ABCC6: variants seen among roughly 807,000 people sequenced by gnomAD.
ABCC6 encodes ATP-binding cassette sub-family C member 6.
In ABCC6, 126 loss-of-function variants were observed where a neutral mutation model predicts 169.5. That is an observed-to-expected ratio of 0.74 (90% CI 0.64 to 0.86). The LOEUF (loss-of-function observed/expected upper bound fraction) is 0.86, where lower values mean the gene tolerates loss of function less well. Ranked by LOEUF, ABCC6 falls within the 40% of genes least tolerant of loss-of-function variation. ABCC6 has a pLI of 0.00. For missense variants in ABCC6, 1,733 were observed against 1,927.2 expected, an observed-to-expected ratio of 0.90 and a Z score of 1.89; for synonymous variants, 752 against 814.7, an observed-to-expected ratio of 0.92 and a Z score of 1.31.
At position 16,198,342 on chromosome 16, in the gene ABCC6, A is replaced by G. The variant is rs546136760; in HGVS notation, c.1177-160T>C. On this transcript the variant is annotated intron_variant, in intron 9 of 30. Coordinates refer to ENST00000205557, the MANE Select transcript of ABCC6 (RefSeq NM_001171.6). ...CTCAGGGCTCTTTGAGGATCCACAG[A>G]GATGACAAAAATGAAAATCCTCCAA... 3.3e-5 allele frequency among the ~76,000 whole-genome samples: 5 copies of G among 152,366 alleles called. No homozygotes were observed. In the South Asian group the frequency reaches 8.3e-4, roughly 25 times the overall value.
intron 9 of ABCC6, 34 bp from the exon 10 acceptor site, chr16:16,198,216 G>C: frequency 6.4e-7 from 1 of 1,558,478 alleles, no homozygotes; most frequent in South Asian, 1.2e-5. Context: ...AAGTAAAGTG[G>C]GGAGGCCGGG....
chr16:16,192,927 G>C lies in ABCC6; in HGVS notation c.1339-5C>G. 1.2e-6 allele frequency: 2 copies of C among 1,613,202 alleles called. No homozygotes were observed. Among genetic ancestry groups the C allele is most frequent in the South Asian group, 1.1e-5 (1 of 91,026 alleles). The stretch of plus-strand genomic sequence containing the variant: ...GAGGGCGGAGGGCCCCAGGAGCTGG[G>C]GATAGAAGGGGCAGGATGTCAGGAG... On this transcript the variant is annotated splice_region_variant and splice_polypyrimidine_tract_variant and intron_variant, in intron 10 of 30. Coordinates refer to ENST00000205557, the MANE Select transcript of ABCC6 (RefSeq NM_001171.6).
At chr16:16,220,609 C>T (rs965115255) in intron 2 of ABCC6, among the ~76,000 whole-genome samples, 2 of 152,018 alleles carry the variant, frequency 1.3e-5, no homozygotes, top group Admixed American at 6.6e-5. Context: ...TATTGAAACG[C>T]AGTCGGCCGG....
chr16:16,168,730 C>G (rs1038483239), intron 22 of ABCC6, among the ~76,000 whole-genome samples: 5 of 152,130 alleles, frequency 3.3e-5, no homozygotes, highest in Non-Finnish European at 7.3e-5. Context: ...GGGGATACGA[C>G]TGCACAGAGG....
At chr16:16,177,150 C>T (rs1291069096) in intron 19 of ABCC6, among the ~76,000 whole-genome samples, 1 of 152,210 alleles carries the variant, frequency 6.6e-6, no homozygotes, top group African/African-American at 2.4e-5. Flanking sequence ...CTCTCTTTGC[C>T]TCAGTTTGCT....
chr16:16,161,713 A>G (rs2046725588), intron 24 of ABCC6, 149 bp from the exon 25 acceptor site: 1 of 1,096,256 alleles, frequency 9.1e-7, no homozygotes, highest in African/African-American at 1.6e-5. Flanking sequence ...CAGGGAGTAG[A>G]GGAAGATGAC....
At chr16:16,161,770 G>A (rs909900427) in intron 24 of ABCC6, among the ~76,000 whole-genome samples, 13 of 152,082 alleles carry the variant, frequency 8.5e-5, no homozygotes, top group Admixed American at 2.0e-4. Context: ...GGGTACACTC[G>A]GTGTTCTGAA....
chr16:16,171,263 G>A (rs1469320103), intron 21 of ABCC6, among the ~76,000 whole-genome samples: 8 of 151,954 alleles, frequency 5.3e-5, no homozygotes, highest in Admixed American at 5.2e-4. Context: ...CTGTCACCCA[G>A]GCTGGATTGC....
Position 16,168,982 on chromosome 16 carries a change from G to C in ABCC6, c.2995+664C>G, listed in dbSNP as rs530970137. Reference sequence around the variant, plus strand: ...CCAGCTTCCAGCTACTCAGGAAGCTGAGGTAGGAGAACTGCTTGAACCTCG... The same window carrying C: ...CCAGCTTCCAGCTACTCAGGAAGCTCAGGTAGGAGAACTGCTTGAACCTCG... On this transcript the variant is annotated intron_variant, in intron 22 of 30. Coordinates refer to ENST00000205557, the MANE Select transcript of ABCC6 (RefSeq NM_001171.6). Among the ~76,000 whole-genome samples, 26 of 152,304 alleles carry C rather than the reference G, an allele frequency of 1.7e-4. No homozygotes were observed. The East Asian group carries it at 5.0e-3, about 29-fold the overall frequency.
intron 9 of ABCC6, among the ~76,000 whole-genome samples, chr16:16,201,317 G>C (rs1898854285): frequency 6.6e-6 from 1 of 152,186 alleles, no homozygotes. Context: ...CAGCTGACAG[G>C]CCACCTTATC....
At position 16,188,963 on chromosome 16, in the gene ABCC6, C is replaced by A. The variant is rs756992618; in HGVS notation, c.1647G>T (p.Val549=). ...FQVSTFLVAL[V]VFAVHTLVAE... is the part of the protein sequence containing the mutation. ...CCACCAGAGTGTGGACAGCAAACAC[C>A]ACCAGTGCGACCTGGGGGGTGGGGG... Residue 549 remains valine (V), a synonymous_variant, in exon 13 of 31, where the codon GTG becomes GTT. Coordinates refer to ENST00000205557, the MANE Select transcript of ABCC6 (RefSeq NM_001171.6). The A allele has an allele frequency of 1.2e-6, 2 of 1,613,980 alleles. No individual in the cohort carries two copies. Among genetic ancestry groups the A allele is most frequent in the Non-Finnish European group, 1.7e-6 (2 of 1,180,016 alleles).
intron 13 of ABCC6, 38 bp downstream of exon 13, chr16:16,188,793 C>G: frequency 6.2e-7 from 1 of 1,602,600 alleles, no homozygotes. Context: ...AGCCCACGCA[C>G]TCTCCCAGGA....
intron 4 of ABCC6, among the ~76,000 whole-genome samples, chr16:16,215,322 A>G (rs868717092): frequency 6.6e-6 from 1 of 152,048 alleles, no homozygotes; most frequent in African/African-American, 2.4e-5. Flanking sequence ...CCAAATTGTG[A>G]TGCTCCTGCT....
At chr16:16,218,071 A>G (rs559245001) in intron 4 of ABCC6, among the ~76,000 whole-genome samples, 1 of 152,296 alleles carries the variant, frequency 6.6e-6, no homozygotes, top group South Asian at 2.1e-4. Flanking sequence ...CCTGGGCAAT[A>G]GAGCAAGACT....
chr16:16,167,021 G>A (rs540261470), intron 22 of ABCC6, among the ~76,000 whole-genome samples: 1 of 152,334 alleles, frequency 6.6e-6, no homozygotes, highest in East Asian at 1.9e-4. Flanking sequence ...ATTGTGCTGG[G>A]CTCCCAAGTT....
chr16:16,159,590 C>T lies in ABCC6; in HGVS notation c.3634-7G>A. 6.2e-7 allele frequency: 1 copy of T among 1,613,918 alleles called. No homozygotes were observed. Among genetic ancestry groups the T allele is most frequent in the East Asian group, 2.2e-5 (1 of 44,878 alleles). The stretch of plus-strand genomic sequence containing the variant: ...ACTGCAGTGTCTGGGTCACCTGGTG[C>T]AAGAAAGCCTCTCTGGCTGGGTTTG... On this transcript the variant is annotated splice_polypyrimidine_tract_variant and splice_region_variant and intron_variant, in intron 25 of 30. Coordinates refer to ENST00000205557, the MANE Select transcript of ABCC6 (RefSeq NM_001171.6).
At chr16:16,211,275 C>A (rs1268355570) in intron 6 of ABCC6, among the ~76,000 whole-genome samples, 3 of 151,602 alleles carry the variant, frequency 2.0e-5, no homozygotes, top group Non-Finnish European at 4.4e-5. Flanking sequence ...GTGGTGCATG[C>A]CTGTAATCTC....
intron 7 of ABCC6, 45 bp from the exon 8 acceptor site, chr16:16,203,658 T>C: frequency 1.2e-6 from 2 of 1,610,064 alleles, no homozygotes; most frequent in South Asian, 1.1e-5. Context: ...TTTTATACTC[T>C]CAGCCGCCAG....
chr16:16,184,175 C>T (rs945034803), intron 15 of ABCC6: 1 of 164,742 alleles, frequency 6.1e-6, no homozygotes, highest in African/African-American at 3.1e-5. Flanking sequence ...CTCCAGCCCG[C>T]GTGATAGAGC....
Sources: gnomAD v4.1 joint callset for allele counts (sites outside exome capture counted in the v4.1 genomes callset) on GRCh38, gnomAD v4.1.1 for gene constraint, MANE v1.5 for transcripts, NCBI Gene and HGNC (gene_info 2026-07-23, HGNC 2026-07-21) for gene names.